The following NELL1 variants were observed in gnomAD, a reference collection of about 807,000 sequenced individuals.
NELL1 encodes the protein protein kinase C-binding protein NELL1.
In NELL1, 76 loss-of-function variants were observed where a neutral mutation model predicts 107.4. The ratio of observed to expected loss-of-function variants is 0.71; its 90% CI spans 0.59 to 0.86. The LOEUF is 0.86. NELL1 is among the 40% of genes least tolerant of loss of function. NELL1 has a pLI of 0.00. For synonymous variants in NELL1, 353 were observed against 341.2 expected, an observed-to-expected ratio of 1.03 and a Z score of -0.38; for missense variants, 1,024 against 1,005.5, an observed-to-expected ratio of 1.02 and a Z score of -0.25.
At chr11:20,898,844 A>T (rs1849809843) in intron 5 of NELL1, among the ~76,000 whole-genome samples, 1 of 152,092 alleles carries the variant, frequency 6.6e-6, no homozygotes, top group Admixed American at 6.6e-5. Flanking sequence ...ACAAATCTAT[A>T]AATAAAACTA....
intron 14 of NELL1, among the ~76,000 whole-genome samples, chr11:21,313,827 T>C (rs141552342): frequency 4.2e-4 from 64 of 152,290 alleles, no homozygotes; most frequent in Non-Finnish European, 7.8e-4. Flanking sequence ...AAATCTCATA[T>C]TGAATTGTAA....
chr11:20,669,569 G>A (rs1374567833), upstream of NELL1: 2 of 446,894 alleles, frequency 4.5e-6, no homozygotes, highest in Non-Finnish European at 8.1e-6. The surrounding 1 kb of genome is among the most constrained non-coding windows in gnomAD (Gnocchi z 4.4). Context: ...CTTCCCGGGC[G>A]CATATGCGAG....
chr11:20,697,395 C>G, intron 2 of NELL1, among the ~76,000 whole-genome samples: 1 of 107,472 alleles, frequency 9.3e-6, no homozygotes, highest in South Asian at 2.9e-4. Context: ...TAATATGTTG[C>G]TTTTTTTTTT....
At chr11:21,535,105 A>G (rs921554232) in intron 16 of NELL1, among the ~76,000 whole-genome samples, 1 of 152,204 alleles carries the variant, frequency 6.6e-6, no homozygotes, top group Non-Finnish European at 1.5e-5. Flanking sequence ...CGCCACCATC[A>G]TCTCTTGAAA....
chr11:21,491,463 C>T (rs1001344711), intron 15 of NELL1, among the ~76,000 whole-genome samples: 13 of 152,172 alleles, frequency 8.5e-5, no homozygotes, highest in South Asian at 4.2e-4. Context: ...GAATCCTTTC[C>T]CCATTGCTTG....
chr11:21,300,005 G>T (rs558544635), intron 14 of NELL1, among the ~76,000 whole-genome samples: 7 of 151,910 alleles, frequency 4.6e-5, no homozygotes, highest in Non-Finnish European at 8.8e-5. Flanking sequence ...TGTGACTTTC[G>T]TAGAGAAATT....
At chr11:20,764,235 G>T (rs1856484104) in intron 2 of NELL1, among the ~76,000 whole-genome samples, 1 of 152,174 alleles carries the variant, frequency 6.6e-6, no homozygotes, top group Non-Finnish European at 1.5e-5. Flanking sequence ...TTTAGGGTAG[G>T]ATTGGATTTT....
At chr11:21,095,155 G>A (rs1854611049) in intron 12 of NELL1, among the ~76,000 whole-genome samples, 1 of 152,064 alleles carries the variant, frequency 6.6e-6, no homozygotes, top group Admixed American at 6.6e-5. Flanking sequence ...ACATCTCTAG[G>A]GCAGGGGCAA....
At chr11:21,023,751 T>C (rs913268229) in intron 12 of NELL1, among the ~76,000 whole-genome samples, 1 of 152,096 alleles carries the variant, frequency 6.6e-6, no homozygotes, top group African/African-American at 2.4e-5. Context: ...TGACATCTAC[T>C]GGCTCCAGCC....
At chr11:21,532,076 A>G (rs1459898753) in intron 15 of NELL1, among the ~76,000 whole-genome samples, 1 of 152,196 alleles carries the variant, frequency 6.6e-6, no homozygotes, top group African/African-American at 2.4e-5. Flanking sequence ...TGTACAGCCT[A>G]GGCACCAGCA....
rs115028045 is a variant in NELL1 at position 21,396,082 on chromosome 11, T to G, written c.1645+25134T>G. Among the ~76,000 whole-genome samples the G allele has an allele frequency of 1.3e-3, 203 of 151,600 alleles. 1 individual carries two copies. The highest frequency in any genetic ancestry group is 4.5e-3 in the African/African-American group (188 of 41,460). On this transcript the variant is annotated intron_variant, in intron 15 of 19. Coordinates refer to ENST00000357134, the MANE Select transcript of NELL1 (RefSeq NM_006157.5). ...ATACCTGGCAATGGAACTTCCTTCATCAAATAAATGAATTTTTGCCCCAAT... is the reference window on the plus strand; with the variant it reads ...ATACCTGGCAATGGAACTTCCTTCAGCAAATAAATGAATTTTTGCCCCAAT...
intron 14 of NELL1, among the ~76,000 whole-genome samples, chr11:21,313,876 G>C (rs553204521): frequency 6.6e-6 from 1 of 152,040 alleles, no homozygotes; most frequent in Non-Finnish European, 1.5e-5. Context: ...AGAGGTGATT[G>C]CATCATGGCA....
intron 14 of NELL1, among the ~76,000 whole-genome samples, chr11:21,335,989 C>A (rs35957935): frequency 2.6e-5 from 4 of 151,670 alleles, no homozygotes; most frequent in Non-Finnish European, 2.9e-5. Flanking sequence ...TAATTTCATG[C>A]GAAATCAACA....
chr11:20,927,736 T>C (rs1464894779), intron 8 of NELL1, among the ~76,000 whole-genome samples: 1 of 152,212 alleles, frequency 6.6e-6, no homozygotes, highest in Non-Finnish European at 1.5e-5. Context: ...GGGACTCCTT[T>C]GATTTTCAAA....
intron 13 of NELL1, among the ~76,000 whole-genome samples, chr11:21,177,591 A>C (rs551343651): frequency 1.3e-5 from 2 of 151,972 alleles, no homozygotes; most frequent in African/African-American, 4.8e-5. Flanking sequence ...AAGTGTAGAC[A>C]TGTCTTTGAC....
chr11:21,056,989 GA>G (rs948616709), intron 12 of NELL1, among the ~76,000 whole-genome samples: 10 of 151,284 alleles, frequency 6.6e-5, no homozygotes, highest in Middle Eastern at 3.4e-3. Flanking sequence ...CAAAAAAAAT[GA>G]AGAAATTTCT....
In NELL1 at chr11:21,289,469, T is replaced by A. The variant is rs577231080; in HGVS notation, c.1549+60015T>A. 2.0e-5 allele frequency among the ~76,000 whole-genome samples: 3 copies of A among 152,336 alleles called. No homozygotes were observed. In the South Asian group the frequency reaches 6.2e-4, roughly 32 times the overall value. On this transcript the variant is annotated intron_variant, in intron 14 of 19. Coordinates refer to ENST00000357134, the MANE Select transcript of NELL1 (RefSeq NM_006157.5). The stretch of plus-strand genomic sequence containing the variant: ...TGAGGGACTGTGCCGTGAGGAACAG[T>A]GCATTCTGACCCAGATACTATGCTT...
intron 5 of NELL1, among the ~76,000 whole-genome samples, chr11:20,911,755 A>G (rs2134148826): frequency 6.6e-6 from 1 of 152,320 alleles, no homozygotes; most frequent in East Asian, 1.9e-4. Context: ...ATGGCTCATT[A>G]CAAAGATACT....
At chr11:21,001,484 G>A (rs1163202099) in intron 12 of NELL1, among the ~76,000 whole-genome samples, 1 of 151,920 alleles carries the variant, frequency 6.6e-6, no homozygotes, top group African/African-American at 2.4e-5. Context: ...GCAGCCCTGG[G>A]CAGCAGGCTA....
Sources: gnomAD v4.1 joint callset for allele counts (sites outside exome capture counted in the v4.1 genomes callset) on GRCh38, gnomAD v4.1.1 for gene constraint, Gnocchi (gnomAD v3.1) non-coding constraint, MANE v1.5 for transcripts, NCBI Gene and HGNC (gene_info 2026-07-23, HGNC 2026-07-21) for gene names.